The following CCDC148 variants were observed in gnomAD, a reference collection of about 807,000 sequenced individuals.
CCDC148 encodes coiled-coil domain containing 148.
In CCDC148, 89 loss-of-function variants were observed where a neutral mutation model predicts 85.7. The observed-to-expected ratio is 1.04, with a 90% CI of 0.87 to 1.24. The LOEUF is 1.24. CCDC148 is among the 50% of genes most tolerant of loss of function. CCDC148 has a pLI of 0.00. For synonymous variants in CCDC148, 230 were observed against 213.9 expected, an observed-to-expected ratio of 1.08 and a Z score of -0.66; for missense variants, 692 against 671.7, an observed-to-expected ratio of 1.03 and a Z score of -0.33.
At chr2:158,217,106 G>A (rs907155920) in intron 11 of CCDC148, among the ~76,000 whole-genome samples, 1 of 151,928 alleles carries the variant, frequency 6.6e-6, no homozygotes, top group Admixed American at 6.6e-5. Flanking sequence ...GAGGTTAGTG[G>A]AAACTTGGGC....
rs1419499099 is a variant in CCDC148 at position 158,353,832 on chromosome 2, G to A, written c.147+4617C>T. Among the ~76,000 whole-genome samples the A allele has an allele frequency of 2.6e-5, 4 of 152,166 alleles. No individual in the cohort carries two copies. In the East Asian group the frequency reaches 5.8e-4, roughly 22 times the overall value. ...AATTGACCATATAGTTGGAAGTAAA[G>A]CTCTCCTCAGCAAATGTAAAAGAAC... On this transcript the variant is annotated intron_variant, in intron 2 of 13. Transcript: ENST00000283233.
At chr2:158,262,579 C>T (rs987587300) in intron 9 of CCDC148, among the ~76,000 whole-genome samples, 3 of 151,942 alleles carry the variant, frequency 2.0e-5, no homozygotes, top group African/African-American at 4.8e-5. Flanking sequence ...TTCATTGACT[C>T]AGAGTTCTGC....
At chr2:158,339,202 G>A (rs1339206446) in intron 5 of CCDC148, 117 bp from the exon 6 acceptor site, 34 of 795,348 alleles carry the variant, frequency 4.3e-5, no homozygotes, top group Non-Finnish European at 6.6e-5. Flanking sequence ...AAAGACCTGT[G>A]GAAGAGAGTT....
At position 158,178,902 on chromosome 2, in the gene CCDC148, G is replaced by C; in HGVS notation, c.1465C>G (p.Arg489Gly). 6.2e-7 allele frequency: 1 copy of C among 1,613,104 alleles called. No homozygotes were observed. The highest frequency in any genetic ancestry group is 8.5e-7 in the Non-Finnish European group (1 of 1,179,460). ...ACCTGTTTCCTAAGGGCTTCTAGCC[G>C]CCGTGCTCTCTCTTTGTCTTCATGA... ...EAHEDKERARRLEALRKQVAV... is the reference protein window; with the variant it reads ...EAHEDKERARGLEALRKQVAV... Residue 489 changes from arginine (R) to glycine (G), a missense_variant, in exon 12 of 14, where the codon CGG becomes GGG. Transcript: ENST00000283233.
intron 11 of CCDC148, among the ~76,000 whole-genome samples, chr2:158,219,472 T>C (rs4664936): frequency 0.69 from 105,182 of 152,038 alleles, 37,085 homozygotes; most frequent in East Asian, 0.9. Flanking sequence ...AAGGACACTG[T>C]AGAGGAAGGG....
intron 9 of CCDC148, among the ~76,000 whole-genome samples, chr2:158,307,158 G>C (rs1007582025): frequency 2.0e-5 from 3 of 151,966 alleles, no homozygotes; most frequent in African/African-American, 7.2e-5. Flanking sequence ...ACAAGTCATT[G>C]ATTGGGAGAA....
At chr2:158,236,206 C>T (rs1410338925) in intron 10 of CCDC148, 11 of 88,384 alleles carry the variant, frequency 1.2e-4, no homozygotes, top group Non-Finnish European at 3.1e-4. Context: ...TGAGCATTTT[C>T]CCATAGCAAA....
At chr2:158,371,786 T>C (rs979705494) in intron 1 of CCDC148, among the ~76,000 whole-genome samples, 1 of 151,978 alleles carries the variant, frequency 6.6e-6, no homozygotes, top group Admixed American at 6.6e-5. Context: ...CAAAGAATTC[T>C]GCCTTTTTTA....
intron 10 of CCDC148, among the ~76,000 whole-genome samples, chr2:158,235,382 C>T (rs1378499543): frequency 6.6e-6 from 1 of 152,166 alleles, no homozygotes; most frequent in Non-Finnish European, 1.5e-5. Flanking sequence ...GTTTCATTTT[C>T]TGTAGAAAAG....
intron 8 of CCDC148, among the ~76,000 whole-genome samples, chr2:158,311,349 C>T (rs1374470967): frequency 6.6e-6 from 1 of 152,240 alleles, no homozygotes; most frequent in African/African-American, 2.4e-5. Context: ...CGCGAGCCTG[C>T]AATCCCATGC....
intron 2 of CCDC148, among the ~76,000 whole-genome samples, chr2:158,347,616 T>C (rs1013345713): frequency 4.6e-5 from 7 of 152,100 alleles, no homozygotes; most frequent in Non-Finnish European, 1.0e-4. Context: ...AAAAATACTC[T>C]GGAAACATGC....
intron 9 of CCDC148, among the ~76,000 whole-genome samples, chr2:158,294,051 T>C: frequency 1.1e-5 from 1 of 88,700 alleles, no homozygotes; most frequent in Non-Finnish European, 2.2e-5. Context: ...CTTCCTTCCT[T>C]CCTTCCTTCC....
At chr2:158,400,371 A>G (rs144506624) in intron 1 of CCDC148, among the ~76,000 whole-genome samples, 316 of 152,292 alleles carry the variant, frequency 2.1e-3, no homozygotes, top group Non-Finnish European at 3.8e-3. Flanking sequence ...ATATAGACCA[A>G]TGGAACAGAA....
intron 1 of CCDC148, among the ~76,000 whole-genome samples, chr2:158,382,467 G>A (rs909167592): frequency 6.6e-6 from 1 of 152,136 alleles, no homozygotes; most frequent in African/African-American, 2.4e-5. Flanking sequence ...ATAAGGCAAA[G>A]GGTGTGTAAA....
At chr2:158,452,215 T>C (rs2105351199) in intron 1 of CCDC148, among the ~76,000 whole-genome samples, 1 of 152,232 alleles carries the variant, frequency 6.6e-6, no homozygotes, top group South Asian at 2.1e-4. Flanking sequence ...AGTGATTAAG[T>C]GTGAAGAGGC....
intron 9 of CCDC148, among the ~76,000 whole-genome samples, chr2:158,276,658 A>G (rs1385756380): frequency 6.6e-6 from 1 of 152,212 alleles, no homozygotes; most frequent in Non-Finnish European, 1.5e-5. Flanking sequence ...ACATTAAGTG[A>G]GCTGAAACTC....
At chr2:158,283,148 A>C (rs940776564) in intron 9 of CCDC148, among the ~76,000 whole-genome samples, 5 of 152,238 alleles carry the variant, frequency 3.3e-5, no homozygotes, top group African/African-American at 7.2e-5. Context: ...TTAAAGACTT[A>C]AACGTTAGAC....
At chr2:158,180,790 G>T (rs1331755983) in intron 11 of CCDC148, among the ~76,000 whole-genome samples, 1 of 152,130 alleles carries the variant, frequency 6.6e-6, no homozygotes, top group East Asian at 1.9e-4. Context: ...CACAGGAGAG[G>T]AAAGGAGGGA....
rs1425743402 is a variant in CCDC148, at chr2:158,340,606, G to A, written c.326C>T (p.Thr109Ile). The A allele has an allele frequency of 1.9e-6, 3 of 1,577,984 alleles. No homozygotes were observed. Among genetic ancestry groups the A allele is most frequent in the Non-Finnish European group, 2.6e-6 (3 of 1,161,842 alleles). The change falls in exon 4 of 14, where the codon ACA (threonine) becomes ATA (isoleucine). Residue 109 changes from threonine (T) to isoleucine (I), a missense_variant. Physicochemically the swap from Thr to Ile is moderately conservative, Grantham distance 89 (BLOSUM62 -1). Coordinates refer to ENST00000283233, the MANE Select transcript of CCDC148 (RefSeq NM_138803.4). ...GATCAAAAAAATCTTACCAAAATTT[G>A]TAAGGTCACAAAGACATTCATTTCC... ...NIGNECLCDLTNFEQELSEQQ... is the reference protein window; with the variant it reads ...NIGNECLCDLINFEQELSEQQ...
Sources: gnomAD v4.1 joint callset for allele counts (sites outside exome capture counted in the v4.1 genomes callset) on GRCh38, gnomAD v4.1.1 for gene constraint, MANE v1.5 for transcripts, NCBI Gene and HGNC (gene_info 2026-07-23, HGNC 2026-07-21) for gene names.